The following FGF1 variants were observed in gnomAD, a reference collection of about 807,000 sequenced individuals.
FGF1 encodes fibroblast growth factor 1.
FGF1 carries 9 observed loss-of-function variants against 13.4 expected under a neutral mutation model. The observed-to-expected ratio is 0.67, with a 90% CI of 0.40 to 1.17. The LOEUF (loss-of-function observed/expected upper bound fraction) is 1.17, where lower values mean the gene tolerates loss of function less well. Among genes scored for constraint, FGF1 ranks in the 50% most tolerant of loss-of-function variants. The pLI is 0.01. For missense variants in FGF1, 156 were observed against 192.7 expected (o/e 0.81, Z 1.13); for synonymous variants, 93 against 79.0 (o/e 1.18, Z -0.94).
intron 2 of FGF1, among the ~76,000 whole-genome samples, chr5:142,602,914 T>C (rs1247835657): frequency 6.6e-6 from 1 of 152,218 alleles, no homozygotes; most frequent in African/African-American, 2.4e-5. Flanking sequence ...CCCAGGATGA[T>C]TCATAGTTTC....
At chr5:142,607,150 C>T (rs13174158) in intron 2 of FGF1, among the ~76,000 whole-genome samples, 11,953 of 152,138 alleles carry the variant, frequency 0.079, 789 homozygotes, top group East Asian at 0.18. Flanking sequence ...GTCCATGTTG[C>T]ATCTAGACCA....
chr5:142,667,585 C>CAAAAA (rs747487970), intron 1 of FGF1, among the ~76,000 whole-genome samples: 2 of 62,044 alleles, frequency 3.2e-5, no homozygotes, highest in African/African-American at 5.0e-5. Context: ...GACTCCGTCT[C>CAAAAA]AAAAAAAAAA....
intron 1 of FGF1, among the ~76,000 whole-genome samples, chr5:142,657,250 A>G (rs1263833284): frequency 4.6e-5 from 7 of 152,182 alleles, no homozygotes; most frequent in Non-Finnish European, 1.5e-5. Context: ...AAAGGAAAAA[A>G]CAACAACTTT....
chr5:142,608,503 T>C (rs1049699253), intron 2 of FGF1, among the ~76,000 whole-genome samples: 1 of 144,674 alleles, frequency 6.9e-6, no homozygotes, highest in Non-Finnish European at 1.5e-5. Context: ...AAAAAATATA[T>C]ATATATGCAT....
chr5:142,675,092 G>A lies in FGF1; in HGVS notation c.-35+10865C>T, dbSNP rs1052985833. Among the ~76,000 whole-genome samples, 8 of 152,256 alleles carry A rather than the reference G, an allele frequency of 5.3e-5. No homozygotes were observed. The South Asian group carries it at 1.5e-3, about 28-fold the overall frequency. On this transcript the variant is annotated intron_variant, in intron 1 of 3. Coordinates refer to ENST00000337706, the MANE Select transcript of FGF1 (RefSeq NM_000800.5). ...GTCAATGGGTCGTTAGAAACAACCC[G>A]GCCATCGCCTTGGAAACGCTCCCCC... is the stretch of plus-strand genomic sequence containing the variant.
At chr5:142,637,324 GTTT>G (rs34766539) in intron 1 of FGF1, among the ~76,000 whole-genome samples, 2 of 141,594 alleles carry the variant, frequency 1.4e-5, no homozygotes. Context: ...CGGCGTTTTT[GTTT>G]TTTTTTTTTT....
intron 1 of FGF1, among the ~76,000 whole-genome samples, chr5:142,633,954 ACG>A (rs758769043): frequency 2.0e-5 from 3 of 151,532 alleles, no homozygotes; most frequent in Non-Finnish European, 1.5e-5. Context: ...GGAGGCCGAG[ACG>A]GGCGGATCAC....
chr5:142,684,237 A>G (rs2152057860), intron 1 of FGF1, among the ~76,000 whole-genome samples: 1 of 152,284 alleles, frequency 6.6e-6, no homozygotes. Context: ...CAATGTAGAT[A>G]CGGCATATGG....
intron 1 of FGF1, among the ~76,000 whole-genome samples, chr5:142,616,477 T>C (rs1486061186): frequency 1.3e-5 from 2 of 152,230 alleles, no homozygotes; most frequent in East Asian, 3.8e-4. Flanking sequence ...AAAATAAATA[T>C]AATACCACAT....
intron 1 of FGF1, among the ~76,000 whole-genome samples, chr5:142,625,766 G>T (rs1381146359): frequency 6.6e-6 from 1 of 152,228 alleles, no homozygotes; most frequent in African/African-American, 2.4e-5. Context: ...TTACTGATGT[G>T]TCTCCAAAAA....
At chr5:142,640,912 C>G (rs1175798169) in intron 1 of FGF1, among the ~76,000 whole-genome samples, 1 of 151,996 alleles carries the variant, frequency 6.6e-6, no homozygotes, top group Non-Finnish European at 1.5e-5. Flanking sequence ...GCACTCCCTT[C>G]CCCCACAGAC....
chr5:142,683,886 T>C (rs1774195068), intron 1 of FGF1, among the ~76,000 whole-genome samples: 2 of 150,670 alleles, frequency 1.3e-5, no homozygotes, highest in South Asian at 4.2e-4. Flanking sequence ...CAAACCCTTG[T>C]AGCAGAGCAC....
rs1754397794 is a variant in FGF1, at chr5:142,592,242, T to A, written c.*3048A>T. 1 of 397,836 alleles carries A rather than the reference T, an allele frequency of 2.5e-6. No individual in the cohort carries two copies. The highest frequency in any genetic ancestry group is 4.4e-6 in the Non-Finnish European group (1 of 225,764). The allele number at this position is 397,836 out of a possible 1,614,324, so 24.6% of individuals were successfully genotyped here. On this transcript the variant is annotated 3_prime_UTR_variant, in exon 4 of 4. Coordinates refer to ENST00000337706, the MANE Select transcript of FGF1 (RefSeq NM_000800.5). ...CAGACTATGATACACAAAAAGACAG[T>A]GATGTGAAATAACAGGCATCTTCAT...
rs111797820 is a variant in FGF1, at chr5:142,609,596, G to A, written c.169+4363C>T. On this transcript the variant is annotated intron_variant, in intron 2 of 3. Transcript: ENST00000337706. ...GGCCTCAGGGGCTTCAACCCAGATA[G>A]TCCCAGAGAAGCTGGGACAAAGAGT... Among the ~76,000 whole-genome samples, 7 of 152,160 alleles carry A rather than the reference G, an allele frequency of 4.6e-5. 1 individual carries two copies. The highest frequency in any genetic ancestry group is 8.8e-5 in the Non-Finnish European group (6 of 68,038).
At chr5:142,676,383 T>C (rs1772610924) in intron 1 of FGF1, among the ~76,000 whole-genome samples, 1 of 152,368 alleles carries the variant, frequency 6.6e-6, no homozygotes, top group South Asian at 2.1e-4. Context: ...AGGAACAAGT[T>C]ACACTGATGC....
intron 2 of FGF1, among the ~76,000 whole-genome samples, chr5:142,611,354 G>A (rs536815307): frequency 4.0e-4 from 61 of 152,286 alleles, no homozygotes; most frequent in Non-Finnish European, 7.6e-4. Context: ...GGCACACTGG[G>A]CAATGCTGCC....
Position 142,613,958 on chromosome 5 carries a change from C to T in FGF1, c.169+1G>A. The T allele has an allele frequency of 6.2e-7, 1 of 1,613,542 alleles. No individual in the cohort carries two copies. The highest frequency in any genetic ancestry group is 1.3e-5 in the African/African-American group (1 of 75,042). On this transcript the variant is annotated splice_donor_variant, in intron 2 of 3. Coordinates refer to ENST00000337706, the MANE Select transcript of FGF1 (RefSeq NM_000800.5). LOFTEE classifies it high-confidence loss of function. Reference sequence around the variant, plus strand: ...GGGGGGTGCCATAGAGATGGGCTTACTGTGCTGGTCGCTCCTGTCCCTTGT... The same window carrying T: ...GGGGGGTGCCATAGAGATGGGCTTATTGTGCTGGTCGCTCCTGTCCCTTGT...
At chr5:142,673,768 C>T (rs1170288682) in intron 1 of FGF1, among the ~76,000 whole-genome samples, 2 of 152,190 alleles carry the variant, frequency 1.3e-5, no homozygotes, top group Admixed American at 1.3e-4. Flanking sequence ...CTCAGGGGTC[C>T]ACCTTCTTTA....
rs149444187 is a variant in FGF1 at position 142,655,501 on chromosome 5, T to C, written c.-35+30456A>G. On this transcript the variant is annotated intron_variant, in intron 1 of 3. Coordinates refer to ENST00000337706, the MANE Select transcript of FGF1 (RefSeq NM_000800.5). ...CTCACAGGCATTGGGTAATGACACA[T>C]AGACCTGCTTGCTGTTCTCCTTTGG... Among the ~76,000 whole-genome samples the C allele has an allele frequency of 5.9e-5, 9 of 152,320 alleles. No homozygotes were observed. In the East Asian group the frequency reaches 1.5e-3, roughly 26 times the overall value.
Sources: allele counts gnomAD v4.1 joint callset (sites outside exome capture counted in the v4.1 genomes callset), GRCh38; gene constraint gnomAD v4.1.1; transcripts MANE v1.5; gene names NCBI Gene and HGNC (gene_info 2026-07-23, HGNC 2026-07-21).